Variants in TBC1D19 observed in about 807,000 individuals in gnomAD.
TBC1D19 encodes TBC1 domain family, member 19.
A neutral mutation model predicts 89.0 loss-of-function variants in TBC1D19; 60 were observed. The ratio of observed to expected loss-of-function variants is 0.67; its 90% CI spans 0.55 to 0.84. TBC1D19 has a LOEUF of 0.84. TBC1D19 is among the 40% of genes least tolerant of loss of function. The pLI is 0.00. For missense variants in TBC1D19, 500 were observed against 610.8 expected (o/e 0.82, Z 1.91); for synonymous variants, 189 against 199.7 (o/e 0.95, Z 0.45).
At chr4:26,638,686 A>G (rs1483550172) in intron 5 of TBC1D19, 85 bp from the exon 6 acceptor site, 3 of 1,050,292 alleles carry the variant, frequency 2.9e-6, no homozygotes, top group Non-Finnish European at 4.3e-6. Context: ...TTTAGCTTTT[A>G]AATAAGTTAT....
At chr4:26,790,274 T>A in the TBC1D19 span, among the ~76,000 whole-genome samples, 1 of 152,308 alleles carries the variant, frequency 6.6e-6, no homozygotes, top group Non-Finnish European at 1.5e-5. Flanking sequence ...TGCGGGATGA[T>A]GGTGCCATCA....
chr4:26,789,836 C>A, the TBC1D19 span, among the ~76,000 whole-genome samples: 1 of 152,134 alleles, frequency 6.6e-6, no homozygotes, highest in African/African-American at 2.4e-5. Context: ...AGTATACATA[C>A]CATGGAATAC....
intron 11 of TBC1D19, among the ~76,000 whole-genome samples, chr4:26,678,023 G>C (rs1307592173): frequency 6.6e-6 from 1 of 152,188 alleles, no homozygotes; most frequent in African/African-American, 2.4e-5. Flanking sequence ...TGAAAATGTG[G>C]AAGCGACTTT....
rs776388508 is a variant in TBC1D19 at position 26,735,441 on chromosome 4, C to T, written c.1085-14C>T. ...CCTACTACTTATTGAAAAGAAATAC[C>T]TTTTTTTTTTTAGGTGTTATCCCTT... On this transcript the variant is annotated splice_polypyrimidine_tract_variant and intron_variant, in intron 15 of 20. Transcript: ENST00000264866. The T allele has an allele frequency of 4.9e-5, 57 of 1,157,050 alleles. No individual in the cohort carries two copies. Among genetic ancestry groups the T allele is most frequent in the East Asian group, 3.6e-4 (12 of 33,664 alleles). The allele number at this position is 1,157,050 out of a possible 1,614,324, so 71.7% of individuals were successfully genotyped here.
intron 7 of TBC1D19, among the ~76,000 whole-genome samples, chr4:26,658,671 TG>T (rs1227663926): frequency 6.6e-6 from 1 of 152,238 alleles, no homozygotes; most frequent in East Asian, 1.9e-4. Context: ...TAAATTACTT[TG>T]GGCAGTATGG....
chr4:26,720,293 G>A (rs1275842762), intron 15 of TBC1D19, among the ~76,000 whole-genome samples, 168 bp downstream of exon 15: 1 of 152,078 alleles, frequency 6.6e-6, no homozygotes, highest in African/African-American at 2.4e-5. Flanking sequence ...TGGTAGGTTT[G>A]TGCTAAATTA....
At chr4:26,600,844 A>G (rs563511829) in intron 1 of TBC1D19, among the ~76,000 whole-genome samples, 1 of 152,336 alleles carries the variant, frequency 6.6e-6, no homozygotes, top group African/African-American at 2.4e-5. Context: ...TCCTGGCTAC[A>G]ATGTGTGTCC....
intron 15 of TBC1D19, among the ~76,000 whole-genome samples, chr4:26,723,012 G>A (rs748428702): frequency 2.0e-5 from 3 of 152,104 alleles, no homozygotes; most frequent in Non-Finnish European, 2.9e-5. Context: ...TGGGAAGAAA[G>A]GAAAGTAGTT....
At chr4:26,674,124 A>G (rs1345412077) in intron 11 of TBC1D19, among the ~76,000 whole-genome samples, 2 of 152,270 alleles carry the variant, frequency 1.3e-5, no homozygotes, top group East Asian at 1.9e-4. Flanking sequence ...GTGACCTTAC[A>G]TATACAACAA....
the TBC1D19 span, among the ~76,000 whole-genome samples, chr4:26,830,943 A>T: frequency 6.6e-6 from 1 of 152,134 alleles, no homozygotes; most frequent in Non-Finnish European, 1.5e-5. Context: ...CCCTGAGGAG[A>T]GGATATTTAG....
intron 15 of TBC1D19, among the ~76,000 whole-genome samples, chr4:26,731,235 G>C (rs76149312): frequency 0.015 from 2,321 of 152,238 alleles, 54 homozygotes; most frequent in African/African-American, 0.051. Context: ...GAAGATTATT[G>C]TTTAAAATTA....
the TBC1D19 span, among the ~76,000 whole-genome samples, chr4:26,789,326 C>G: frequency 6.6e-6 from 1 of 152,102 alleles, no homozygotes; most frequent in South Asian, 2.1e-4. Context: ...ATTATCTAGC[C>G]AATAGAATGT....
the TBC1D19 span, among the ~76,000 whole-genome samples, chr4:26,824,232 A>G: frequency 3.9e-5 from 6 of 152,226 alleles, no homozygotes; most frequent in Admixed American, 3.9e-4. Flanking sequence ...AGATGATAAG[A>G]GAAGGACCAA....
chr4:26,736,850 G>GT (rs950829191), intron 16 of TBC1D19, among the ~76,000 whole-genome samples: 83 of 152,170 alleles, frequency 5.5e-4, no homozygotes, highest in Admixed American at 2.9e-3. Flanking sequence ...AGAGCTCTGA[G>GT]TGTCTCTGAG....
intron 1 of TBC1D19, among the ~76,000 whole-genome samples, chr4:26,611,659 T>C (rs998982792): frequency 6.6e-6 from 1 of 152,174 alleles, no homozygotes; most frequent in African/African-American, 2.4e-5. Context: ...GTTGTGATAT[T>C]CTAATTGTAT....
chr4:26,759,539 T>C (rs1719391112), downstream of TBC1D19, among the ~76,000 whole-genome samples: 1 of 152,162 alleles, frequency 6.6e-6, no homozygotes, highest in Admixed American at 6.5e-5. Context: ...AACAAATGTA[T>C]ATACCCATGT....
chr4:26,821,571 C>G, the TBC1D19 span, among the ~76,000 whole-genome samples: 1 of 152,204 alleles, frequency 6.6e-6, no homozygotes, highest in Non-Finnish European at 1.5e-5. Flanking sequence ...CTTGAAATCT[C>G]ACAGGACCTA....
At chr4:26,578,076 G>A (rs1447578506) in intron 1 of TBC1D19, among the ~76,000 whole-genome samples, 1 of 152,092 alleles carries the variant, frequency 6.6e-6, no homozygotes, top group African/African-American at 2.4e-5. Flanking sequence ...CTTTGTTCCA[G>A]GGTCCATGGT....
intron 1 of TBC1D19, among the ~76,000 whole-genome samples, chr4:26,599,720 C>T (rs1327679839): frequency 6.6e-6 from 1 of 151,928 alleles, no homozygotes; most frequent in Admixed American, 6.6e-5. Context: ...CCAAGGCGGG[C>T]GGGTTGCCTG....
Sources: gnomAD v4.1 joint callset for allele counts (sites outside exome capture counted in the v4.1 genomes callset) on GRCh38, gnomAD v4.1.1 for gene constraint, MANE v1.5 for transcripts, NCBI Gene and HGNC (gene_info 2026-07-23, HGNC 2026-07-21) for gene names.